Variants in PHLPP2 observed in about 807,000 individuals in gnomAD.
PHLPP2 encodes the protein PH domain and leucine rich repeat protein phosphatase 2, also known as PH domain leucine-rich repeat-containing protein phosphatase 2.
PHLPP2 carries 66 observed loss-of-function variants against 124.9 expected under a neutral mutation model. The observed-to-expected ratio is 0.53, with a 90% CI of 0.43 to 0.65. PHLPP2 has a LOEUF of 0.65. PHLPP2 is among the 30% of genes least tolerant of loss of function. The pLI is 0.00. For missense variants in PHLPP2, 1,685 were observed against 1,600.4 expected (o/e 1.05, Z -0.90); for synonymous variants, 681 against 624.7 (o/e 1.09, Z -1.34).
intron 17 of PHLPP2, among the ~76,000 whole-genome samples, chr16:71,653,864 A>C (rs1258570166): frequency 1.3e-5 from 2 of 152,186 alleles, no homozygotes; most frequent in Non-Finnish European, 2.9e-5. Context: ...ATTCAAGCCC[A>C]TCCTGGCTAA....
At chr16:71,707,897 C>A (rs1429438449) in intron 2 of PHLPP2, among the ~76,000 whole-genome samples, 1 of 152,336 alleles carries the variant, frequency 6.6e-6, no homozygotes, top group East Asian at 1.9e-4. Context: ...CTTGTGAATT[C>A]TGCACTAACT....
intron 1 of PHLPP2, chr16:71,723,537 C>CA (rs1190617008): frequency 1.1e-5 from 2 of 182,646 alleles, no homozygotes; most frequent in African/African-American, 4.8e-5. Context: ...CAGGGATGGG[C>CA]AGCAGCGGGG....
intron 4 of PHLPP2, among the ~76,000 whole-genome samples, chr16:71,690,215 G>A (rs2045096276): frequency 6.6e-6 from 1 of 152,116 alleles, no homozygotes; most frequent in South Asian, 2.1e-4. Context: ...GATGGATGCT[G>A]GCAGCTACTT....
intron 3 of PHLPP2, among the ~76,000 whole-genome samples, chr16:71,701,072 T>C (rs892083033): frequency 1.3e-5 from 2 of 152,054 alleles, no homozygotes; most frequent in African/African-American, 4.8e-5. Flanking sequence ...GTGAACCGTG[T>C]TGAAAGTGAA....
chr16:71,708,955 A>G (rs894164745), intron 2 of PHLPP2, among the ~76,000 whole-genome samples: 1 of 151,146 alleles, frequency 6.6e-6, no homozygotes, highest in Non-Finnish European at 1.5e-5. Context: ...ACAACATAGC[A>G]TGATCCAATC....
chr16:71,723,692 T>C (rs1200499161), intron 1 of PHLPP2: 5 of 660,690 alleles, frequency 7.6e-6, no homozygotes, highest in Non-Finnish European at 1.1e-5. Context: ...CAGCGGCCTC[T>C]AGCCTCCCTC....
chr16:71,719,272 T>C (rs1481314815), intron 1 of PHLPP2, among the ~76,000 whole-genome samples: 1 of 152,208 alleles, frequency 6.6e-6, no homozygotes, highest in African/African-American at 2.4e-5. Context: ...CAGTGGCTCA[T>C]GCCTGTAATC....
chr16:71,703,651 C>A (rs564067951), intron 2 of PHLPP2, among the ~76,000 whole-genome samples: 1 of 152,274 alleles, frequency 6.6e-6, no homozygotes, highest in South Asian at 2.1e-4. Context: ...CAGTCAACTG[C>A]CTGGGTTCAA....
chr16:71,706,144 C>T (rs886152055), intron 2 of PHLPP2, among the ~76,000 whole-genome samples: 2 of 152,234 alleles, frequency 1.3e-5, no homozygotes, highest in East Asian at 3.8e-4. Flanking sequence ...ACTATTTCTA[C>T]TACTGCTTTA....
In PHLPP2 at chr16:71,694,786, T is replaced by A. The variant is rs541463344; in HGVS notation, c.419-4077A>T. ...AACAAAGAGACCATCATTTTTTAAA[T>A]TTTTTTTTTTATTTTTGAGACGGAG... On this transcript the variant is annotated intron_variant, in intron 3 of 18. Transcript: ENST00000568954. 1.1e-4 allele frequency among the ~76,000 whole-genome samples: 16 copies of A among 146,902 alleles called. No individual in the cohort carries two copies. The South Asian group carries it at 1.7e-3, about 16-fold the overall frequency.
At chr16:71,651,759 T>C (rs1318706443) in intron 18 of PHLPP2, among the ~76,000 whole-genome samples, 1 of 152,158 alleles carries the variant, frequency 6.6e-6, no homozygotes, top group Non-Finnish European at 1.5e-5. Context: ...AGTCAACTGA[T>C]CTCTGAAAAT....
Position 71,677,833 on chromosome 16 carries a change from T to C in PHLPP2, c.1268+922A>G, listed in dbSNP as rs554409283. 4.6e-5 allele frequency: 7 copies of C among 152,286 alleles called. No individual in the cohort carries two copies. In the South Asian group the frequency reaches 8.3e-4, roughly 18 times the overall value. 9.4% of individuals were successfully genotyped at this position (152,286 alleles called of 1,614,324 possible). On this transcript the variant is annotated intron_variant, in intron 8 of 18. Coordinates refer to ENST00000568954, the MANE Select transcript of PHLPP2 (RefSeq NM_015020.3). ...CAATGGGTATCAAGAAGAAACCCAA[T>C]GACTCAACAGAAAAATGGTCATTTA...
At chr16:71,676,781 C>T in intron 8 of PHLPP2, 132 bp from the exon 9 acceptor site, 1 of 663,218 alleles carries the variant, frequency 1.5e-6, no homozygotes, top group Non-Finnish European at 2.6e-6. Flanking sequence ...TGGAGTTTCA[C>T]TGTGTTGCGC....
rs191759405 is a variant in PHLPP2 at position 71,723,892 on chromosome 16, G to A, written c.-7+437C>T. ...TCGGCGACCCAGGATTCACAGAGAC[G>A]CCCGGCCCGCGCGACGGCGTGCGGA... On this transcript the variant is annotated intron_variant, in intron 1 of 18. Transcript: ENST00000568954. The A allele has an allele frequency of 2.0e-4, 199 of 975,736 alleles. 1 individual carries two copies. The South Asian group carries it at 3.5e-3, about 17-fold the overall frequency. The allele number at this position is 975,736 out of a possible 1,614,324, so 60.4% of individuals were successfully genotyped here. A position where few individuals can be genotyped will look rare whatever the true frequency, so the allele number is the denominator to read the frequency against.
chr16:71,680,159 C>G (rs1348815042), intron 6 of PHLPP2, among the ~76,000 whole-genome samples: 1 of 152,052 alleles, frequency 6.6e-6, no homozygotes, highest in Non-Finnish European at 1.5e-5. Context: ...TTTCTTCATA[C>G]TTGATATGCT....
chr16:71,655,366 T>A lies in PHLPP2; in HGVS notation c.2459A>T (p.Asp820Val). The A allele has an allele frequency of 1.2e-6, 2 of 1,614,002 alleles. No individual in the cohort carries two copies. The highest frequency in any genetic ancestry group is 8.5e-7 in the Non-Finnish European group (1 of 1,179,904). The stretch of plus-strand genomic sequence containing the variant: ...CGGGAGCTCCTCATTTCGGTCTCCA[T>A]CAAACATGCCATACACAGCTCCCAC... ...EGVGAVYGMF[D>V]GDRNEELPRL... Residue 820 changes from aspartate (D) to valine (V), a missense_variant, in exon 17 of 19, where the codon GAT becomes GTT. Coordinates refer to ENST00000568954, the MANE Select transcript of PHLPP2 (RefSeq NM_015020.3).
In PHLPP2 at chr16:71,647,834, G is replaced by A. The variant is rs2044664334; in HGVS notation, c.*1056C>T. On this transcript the variant is annotated 3_prime_UTR_variant, in exon 19 of 19. Coordinates refer to ENST00000568954, the MANE Select transcript of PHLPP2 (RefSeq NM_015020.3). ...GATCCTATTACCCCAAGTTTCTCAGGAGCTTTCACAGTCTGACATCCAAAA... is the reference window on the plus strand; with the variant it reads ...GATCCTATTACCCCAAGTTTCTCAGAAGCTTTCACAGTCTGACATCCAAAA... The A allele has an allele frequency of 6.6e-6, 1 of 152,384 alleles. No individual in the cohort carries two copies. The highest frequency in any genetic ancestry group is 1.5e-5 in the Non-Finnish European group (1 of 68,080). 9.4% of individuals were successfully genotyped at this position (152,384 alleles called of 1,614,324 possible). A position where few individuals can be genotyped will look rare whatever the true frequency, so the allele number is the denominator to read the frequency against.
chr16:71,696,581 G>T (rs181288003), intron 3 of PHLPP2, among the ~76,000 whole-genome samples: 1 of 151,178 alleles, frequency 6.6e-6, no homozygotes, highest in East Asian at 1.9e-4. Flanking sequence ...AGGCTGCAGT[G>T]AGCTGAGATT....
intron 3 of PHLPP2, among the ~76,000 whole-genome samples, chr16:71,698,892 C>G (rs12926987): frequency 0.34 from 51,711 of 152,050 alleles, 9,657 homozygotes; most frequent in East Asian, 0.76. Context: ...GACTGGGACA[C>G]TACCCAGTGT....
Sources: allele counts gnomAD v4.1 joint callset (sites outside exome capture counted in the v4.1 genomes callset), GRCh38; gene constraint gnomAD v4.1.1; transcripts MANE v1.5; gene names NCBI Gene and HGNC (gene_info 2026-07-23, HGNC 2026-07-21).